Variants in TGIF1 observed in about 807,000 individuals in gnomAD.
TGIF1 encodes TGFB induced factor homeobox 1.
TGIF1 carries 4 observed loss-of-function variants against 19.3 expected under a neutral mutation model. The ratio of observed to expected loss-of-function variants is 0.21; its 90% CI spans 0.10 to 0.47. The LOEUF (loss-of-function observed/expected upper bound fraction) is 0.47. TGIF1 is among the 20% of genes least tolerant of loss of function. The pLI, the probability that TGIF1 is intolerant of heterozygous loss-of-function variation, is 0.98. For missense variants in TGIF1, 275 were observed against 341.4 expected (o/e 0.81, Z 1.53); for synonymous variants, 122 against 129.3 (o/e 0.94, Z 0.38).
Position 3,451,768 on chromosome 18 carries a change from CGTT to C in TGIF1, c.16+1268_16+1270del, listed in dbSNP as rs982897585. On this transcript the variant is annotated intron_variant, in intron 1 of 2. Transcript: ENST00000343820. This position sits in a 1 kb window ranked among gnomAD's most constrained non-coding sequence, Gnocchi z 5.4. ...CTTGAAACTCGGATCAACTGGCAGT[CGTT>C]GTTGGTAGAACGCCCTAAGGACCCC... The C allele has an allele frequency of 2.4e-6, 3 of 1,254,520 alleles. No homozygotes were observed. Among genetic ancestry groups the C allele is most frequent in the African/African-American group, 3.1e-5 (2 of 64,542 alleles). The allele number at this position is 1,254,520 out of a possible 1,614,324, so 77.7% of individuals were successfully genotyped here. A position where few individuals can be genotyped will look rare whatever the true frequency, so the allele number is the denominator to read the frequency against.
At chr18:3,438,136 T>G (rs1055147477) in intron 2 of TGIF1, among the ~76,000 whole-genome samples, 4 of 152,062 alleles carry the variant, frequency 2.6e-5, no homozygotes, top group Non-Finnish European at 4.4e-5. Context: ...TGTAGGTTGT[T>G]GTTGTATTTT....
In TGIF1 at chr18:3,457,294, C is replaced by T. The variant is rs914633948; in HGVS notation, c.244-71C>T. 8.9e-6 allele frequency: 13 copies of T among 1,462,052 alleles called. No individual in the cohort carries two copies. Among genetic ancestry groups the T allele is most frequent in the Non-Finnish European group, 1.2e-5 (13 of 1,052,074 alleles). The allele number at this position is 1,462,052 out of a possible 1,614,324, so 90.6% of individuals were successfully genotyped here. ...AGAGAGCAAGATCAATTAGGTACCC[C>T]ATAGAACATTCTCAGAACCCGTTGG... On this transcript the variant is annotated intron_variant, in intron 2 of 2. Coordinates refer to ENST00000343820, the MANE Select transcript of TGIF1 (RefSeq NM_003244.4). This position sits in a 1 kb window ranked among gnomAD's most constrained non-coding sequence, Gnocchi z 4.9.
At chr18:3,449,002 G>T (rs1598890040), upstream of TGIF1, among the ~76,000 whole-genome samples, 1 of 152,088 alleles carries the variant, frequency 6.6e-6, no homozygotes, top group East Asian at 1.9e-4. Context: ...TCATTGTGTG[G>T]CATGTGACAG....
intron 1 of TGIF1, among the ~76,000 whole-genome samples, chr18:3,417,680 AAT>A (rs2082350708): frequency 6.6e-6 from 1 of 152,214 alleles, no homozygotes; most frequent in Admixed American, 6.5e-5. Flanking sequence ...ACAAAACAAA[AAT>A]AGATATTTCC....
At chr18:3,421,322 A>G (rs28485120) in intron 2 of TGIF1, among the ~76,000 whole-genome samples, 3,212 of 143,858 alleles carry the variant, frequency 0.022, 311 homozygotes, top group African/African-American at 0.08. Context: ...ATTTATATAT[A>G]GTATATAAAA....
At chr18:3,421,917 G>A (rs1292594974) in intron 2 of TGIF1, among the ~76,000 whole-genome samples, 1 of 152,050 alleles carries the variant, frequency 6.6e-6, no homozygotes, top group Non-Finnish European at 1.5e-5. Context: ...ATATTGGCCG[G>A]GCACAGTGGC....
rs1300473955 is a variant in TGIF1 at position 3,451,606 on chromosome 18, C to T, written c.16+1101C>T. The T allele has an allele frequency of 3.8e-6, 4 of 1,063,476 alleles. No individual in the cohort carries two copies. The highest frequency in any genetic ancestry group is 4.5e-6 in the Non-Finnish European group (4 of 881,490). 65.9% of individuals were successfully genotyped at this position (1,063,476 alleles called of 1,614,324 possible). A position where few individuals can be genotyped will look rare whatever the true frequency, so the allele number is the denominator to read the frequency against. On this transcript the variant is annotated intron_variant, in intron 1 of 2. Coordinates refer to ENST00000343820, the MANE Select transcript of TGIF1 (RefSeq NM_003244.4). The surrounding 1 kb of genome is among the most constrained non-coding windows in gnomAD (Gnocchi z 5.4). ...GTTTGGAACTCCACATTCTTTCAGA[C>T]CCGGCCCGCTGCGGGGCGTTCCTGG...
intron 2 of TGIF1, among the ~76,000 whole-genome samples, chr18:3,435,194 T>A (rs905969904): frequency 2.0e-5 from 3 of 151,642 alleles, no homozygotes; most frequent in Non-Finnish European, 4.4e-5. Flanking sequence ...TAAAACCCTA[T>A]ATATATTTTT....
rs547577192 is a variant in TGIF1 at position 3,458,603 on chromosome 18, C to T, written c.*663C>T. On this transcript the variant is annotated 3_prime_UTR_variant, in exon 3 of 3. Coordinates refer to ENST00000343820, the MANE Select transcript of TGIF1 (RefSeq NM_003244.4). Reference sequence around the variant, plus strand: ...TGTGATATTTACTCTTGATAGGAGGCATAGCAGGCCCTTAGAGCTTTACTT... The same window carrying T: ...TGTGATATTTACTCTTGATAGGAGGTATAGCAGGCCCTTAGAGCTTTACTT... The T allele has an allele frequency of 1.7e-4, 26 of 153,718 alleles. 1 individual carries two copies. The South Asian group carries it at 4.7e-3, about 28-fold the overall frequency. The allele number at this position is 153,718 out of a possible 1,614,324, so 9.5% of individuals were successfully genotyped here.
intron 1 of TGIF1, chr18:3,415,222 G>T: frequency 4.5e-6 from 1 of 223,730 alleles, no homozygotes; most frequent in Non-Finnish European, 9.6e-6. Flanking sequence ...AGGCCCGTTT[G>T]GCAGCTTCTG....
rs2082871134 is a variant in TGIF1 at position 3,450,475 on chromosome 18, G to C, written c.-15G>C. 3 of 1,558,944 alleles carry C rather than the reference G, an allele frequency of 1.9e-6. No individual in the cohort carries two copies. The highest frequency in any genetic ancestry group is 2.6e-6 in the Non-Finnish European group (3 of 1,151,538). On this transcript the variant is annotated 5_prime_UTR_variant, in exon 1 of 3. Transcript: ENST00000343820. The stretch of plus-strand genomic sequence containing the variant: ...AGACCCCCGCCTTGCCTCGCGCTGG[G>C]AGGGGAGATCCAGAATGAAAGGCAA...
intron 1 of TGIF1, chr18:3,452,239 G>T: frequency 6.2e-7 from 1 of 1,608,286 alleles, no homozygotes; most frequent in African/African-American, 1.3e-5. Flanking sequence ...CCACCGGCGC[G>T]CTGCCCACAG....
intron 1 of TGIF1, chr18:3,415,306 T>C (rs1044756274): frequency 1.1e-5 from 3 of 282,206 alleles, no homozygotes; most frequent in Non-Finnish European, 2.3e-5. Flanking sequence ...GGGTTCGGTG[T>C]CCACACACCT....
chr18:3,413,999 T>A (rs2082301061), intron 1 of TGIF1, among the ~76,000 whole-genome samples: 1 of 152,130 alleles, frequency 6.6e-6, no homozygotes, highest in African/African-American at 2.4e-5. Context: ...AATGTGTAGA[T>A]GAAAAAACAA....
chr18:3,434,241 T>C lies in TGIF1; in HGVS notation c.-45+16026T>C, dbSNP rs544837791. Among the ~76,000 whole-genome samples, 3 of 151,926 alleles carry C rather than the reference T, an allele frequency of 2.0e-5. No homozygotes were observed. The South Asian group carries it at 6.2e-4, about 32-fold the overall frequency. ...CACATCTCTACTAAAAATACAAAAA[T>C]TAGCTGGGCCTTGGGCCGGGTGCGG... On this transcript the variant is annotated intron_variant, in intron 2 of 3. Transcript: ENST00000401449.
intron 1 of TGIF1, chr18:3,453,758 A>T: frequency 1.0e-6 from 1 of 981,124 alleles, no homozygotes; most frequent in Non-Finnish European, 1.2e-6. Context: ...TCCTCAGGCC[A>T]TGTTGTGGCT....
intron 2 of TGIF1, among the ~76,000 whole-genome samples, chr18:3,424,000 C>G (rs1220650279): frequency 6.6e-6 from 1 of 152,186 alleles, no homozygotes; most frequent in Admixed American, 6.5e-5. Flanking sequence ...CAGAAGGGGT[C>G]TGCGTCACCA....
intron 2 of TGIF1, among the ~76,000 whole-genome samples, chr18:3,440,634 C>G (rs760564842): frequency 6.6e-6 from 1 of 152,188 alleles, no homozygotes; most frequent in Non-Finnish European, 1.5e-5. Context: ...CAACTGTGTC[C>G]CATTTCAGAT....
chr18:3,450,453 C>A lies in TGIF1; in HGVS notation c.-37C>A, dbSNP rs1341262065. The A allele has an allele frequency of 2.6e-6, 4 of 1,554,114 alleles. No individual in the cohort carries two copies. The highest frequency in any genetic ancestry group is 3.5e-6 in the Non-Finnish European group (4 of 1,148,740). On this transcript the variant is annotated 5_prime_UTR_variant, in exon 1 of 3. Coordinates refer to ENST00000343820, the MANE Select transcript of TGIF1 (RefSeq NM_003244.4). ...TGTCCCCGCTCCTGGCCCCTCCAGA[C>A]CCCCGCCTTGCCTCGCGCTGGGAGG...
Sources: allele counts gnomAD v4.1 joint callset (sites outside exome capture counted in the v4.1 genomes callset), GRCh38; gene constraint gnomAD v4.1.1; non-coding constraint Gnocchi (gnomAD v3.1); transcripts MANE v1.5; gene names NCBI Gene and HGNC (gene_info 2026-07-23, HGNC 2026-07-21).